KCNMA1: variants seen among roughly 807,000 people sequenced by gnomAD.
The protein encoded by KCNMA1 is potassium calcium-activated channel subfamily M alpha 1.
Under a neutral mutation model 140.0 loss-of-function variants are expected in KCNMA1, and 29 were observed. The ratio of observed to expected loss-of-function variants is 0.21; its 90% confidence interval spans 0.15 to 0.28. The LOEUF (loss-of-function observed/expected upper bound fraction) is 0.28, where lower values mean the gene tolerates loss of function less well. Among genes scored for constraint, KCNMA1 ranks in the 10% least tolerant of loss-of-function variants. KCNMA1 has a pLI of 1.00. For missense variants in KCNMA1, 880 were observed against 1,602.2 expected (o/e 0.55, Z 7.70); for synonymous variants, 612 against 611.9 (o/e 1.00, Z 0.00).
rs572575308 is a variant in KCNMA1, at chr10:77,465,664, G to A, written c.379-61641C>T. ...CCCTATCGGCACCTGGCAAACAGCAGGCATTTAATGAGTGTGGGCTCCCTC... is the reference window on the plus strand; with the variant it reads ...CCCTATCGGCACCTGGCAAACAGCAAGCATTTAATGAGTGTGGGCTCCCTC... On this transcript the variant is annotated intron_variant, in intron 1 of 27. Coordinates refer to ENST00000286628, the MANE Select transcript of KCNMA1 (RefSeq NM_001161352.2). 3.3e-5 allele frequency among the ~76,000 whole-genome samples: 5 copies of A among 152,314 alleles called. No individual in the cohort carries two copies. The South Asian group carries it at 1.0e-3, about 32-fold the overall frequency.
intron 15 of KCNMA1, among the ~76,000 whole-genome samples, chr10:77,034,243 C>CA (rs1187442257): frequency 0.089 from 6,322 of 71,260 alleles, 288 homozygotes; most frequent in African/African-American, 0.17. Context: ...GACTCCATCT[C>CA]AAAAAAAAAA....
At chr10:77,337,512 C>T (rs760480032) in intron 2 of KCNMA1, among the ~76,000 whole-genome samples, 12 of 152,090 alleles carry the variant, frequency 7.9e-5, no homozygotes, top group Non-Finnish European at 1.6e-4. Context: ...CCCAGCTACT[C>T]GGGAGGTTGA....
At chr10:77,216,156 T>A (rs2047715534) in intron 3 of KCNMA1, among the ~76,000 whole-genome samples, 1 of 152,084 alleles carries the variant, frequency 6.6e-6, no homozygotes, top group South Asian at 2.1e-4. Context: ...AGAAAGTAGA[T>A]GAGTAGTTGC....
chr10:77,294,373 A>G (rs1049502117), intron 2 of KCNMA1, among the ~76,000 whole-genome samples: 1 of 152,186 alleles, frequency 6.6e-6, no homozygotes, highest in Non-Finnish European at 1.5e-5. Context: ...TTAGTGAATA[A>G]CATGGCAGAG....
At chr10:77,302,970 T>A (rs759700912) in intron 2 of KCNMA1, among the ~76,000 whole-genome samples, 2 of 152,148 alleles carry the variant, frequency 1.3e-5, no homozygotes, top group Admixed American at 6.5e-5. Flanking sequence ...CACCTGTGTT[T>A]GCCTAGGGAT....
Position 77,637,472 on chromosome 10 carries a change from G to A in KCNMA1, c.171C>T (p.Ser57=), listed in dbSNP as rs762010648. 3.1e-6 allele frequency: 5 copies of A among 1,603,024 alleles called. No individual in the cohort carries two copies. Among genetic ancestry groups the A allele is most frequent in the Non-Finnish European group, 4.3e-6 (5 of 1,173,278 alleles). The part of the protein sequence containing the change: ...SSSSSSSSSS[S]SSSVHEPKMD... ...TCTTGGGCTCGTGGACCGAGGACGA[G>A]GAGGAAGAGGAGGAGGAAGAAGAAG... The change falls in exon 1 of 28, where the codon TCC becomes TCT. Residue 57 remains serine (S), a synonymous_variant. Transcript: ENST00000286628.
intron 18 of KCNMA1, among the ~76,000 whole-genome samples, chr10:77,002,779 T>G (rs560406327): frequency 6.6e-6 from 1 of 152,212 alleles, no homozygotes; most frequent in Non-Finnish European, 1.5e-5. Context: ...GCAAACATGT[T>G]TGCTTATCAC....
chr10:77,637,207 G>C, intron 1 of KCNMA1, 58 bp downstream of exon 1: 2 of 1,476,808 alleles, frequency 1.4e-6, no homozygotes, highest in Non-Finnish European at 1.8e-6. Flanking sequence ...TGGGCTGCAG[G>C]GGACGCCGAG....
intron 3 of KCNMA1, among the ~76,000 whole-genome samples, chr10:77,189,772 G>A (rs2098923763): frequency 6.6e-6 from 1 of 152,142 alleles, no homozygotes; most frequent in Admixed American, 6.5e-5. Context: ...TGGACAGGCA[G>A]AGTTCAGGCC....
intron 1 of KCNMA1, among the ~76,000 whole-genome samples, chr10:77,515,151 T>G (rs887099301): frequency 1.3e-5 from 2 of 152,156 alleles, no homozygotes; most frequent in African/African-American, 4.8e-5. Flanking sequence ...TCCAAGGTCA[T>G]GTGTCTACAG....
At chr10:77,183,314 A>G (rs1296108624) in intron 5 of KCNMA1, 107 bp downstream of exon 5, 7 of 778,470 alleles carry the variant, frequency 9.0e-6, no homozygotes, top group East Asian at 5.1e-5. Flanking sequence ...TCACATTAAT[A>G]CATACAACAT....
chr10:76,947,678 C>G (rs1369249583), intron 22 of KCNMA1, among the ~76,000 whole-genome samples: 2 of 152,206 alleles, frequency 1.3e-5, no homozygotes, highest in Non-Finnish European at 2.9e-5. Context: ...TTTCAACTGC[C>G]TGTGCTCACT....
chr10:77,117,108 C>A (rs573964707), intron 6 of KCNMA1, among the ~76,000 whole-genome samples: 1 of 152,148 alleles, frequency 6.6e-6, no homozygotes, highest in African/African-American at 2.4e-5. Context: ...ATGACTCATG[C>A]ATATCATGGA....
intron 1 of KCNMA1, among the ~76,000 whole-genome samples, chr10:77,596,430 T>C (rs2080954740): frequency 6.6e-6 from 1 of 152,136 alleles, no homozygotes. Context: ...GGCCTAAATG[T>C]CCAACAGTAC....
At chr10:77,433,916 T>A (rs1395907563) in intron 1 of KCNMA1, 1 of 152,234 alleles carries the variant, frequency 6.6e-6, no homozygotes, top group Non-Finnish European at 1.5e-5. Context: ...AATATCCTAA[T>A]GGTCCCGAGG....
intron 19 of KCNMA1, chr10:76,974,372 T>C: frequency 1.8e-6 from 1 of 555,892 alleles, no homozygotes; most frequent in Non-Finnish European, 3.1e-6. Flanking sequence ...AAGTGCAAGC[T>C]GAAATCCACA....
At position 77,392,271 on chromosome 10, in the gene KCNMA1, GAAGGGAGGGAAGGGAAGGAAGGT is replaced by G. The variant is rs1227754682; in HGVS notation, c.540+11568_540+11590del. Reference sequence around the variant, plus strand: ...GAGAGGGAAGGGAAGGGAGGGAAAGGAAGGGAGGGAAGGGAAGGAAGGTAAGGGAGGCAAGGGAGGGAAGGGAG... The same window carrying G: ...GAGAGGGAAGGGAAGGGAGGGAAAGGAAGGGAGGCAAGGGAGGGAAGGGAG... On this transcript the variant is annotated intron_variant, in intron 2 of 27. Transcript: ENST00000286628. 1.4e-3 allele frequency among the ~76,000 whole-genome samples: 198 copies of G among 139,536 alleles called. 1 individual carries two copies. The East Asian group carries it at 0.033, about 23-fold the overall frequency. 91.5% of individuals were successfully genotyped at this position (139,536 alleles called of 152,430 possible).
chr10:77,368,760 G>C (rs1164266148), intron 2 of KCNMA1, among the ~76,000 whole-genome samples: 2 of 152,078 alleles, frequency 1.3e-5, no homozygotes, highest in African/African-American at 4.8e-5. Flanking sequence ...TTTGCCCTTG[G>C]ATGTCCAATT....
intron 1 of KCNMA1, among the ~76,000 whole-genome samples, chr10:77,425,687 G>C (rs192442710): frequency 5.3e-5 from 8 of 152,304 alleles, no homozygotes; most frequent in African/African-American, 1.9e-4. Flanking sequence ...GTGATACTCA[G>C]CTCCCCAAGG....
Sources: gnomAD v4.1 joint callset for allele counts (sites outside exome capture counted in the v4.1 genomes callset) on GRCh38, gnomAD v4.1.1 for gene constraint, MANE v1.5 for transcripts, NCBI Gene and HGNC (gene_info 2026-07-23, HGNC 2026-07-21) for gene names.